MAPKBP1: variants seen among roughly 807,000 people sequenced by gnomAD.
The protein encoded by MAPKBP1 is mitogen-activated protein kinase binding protein 1.
A neutral mutation model predicts 170.5 loss-of-function variants in MAPKBP1; 71 were observed. The ratio of observed to expected loss-of-function variants is 0.42; its 90% confidence interval spans 0.34 to 0.51. The LOEUF is 0.51. Ranked by LOEUF, MAPKBP1 falls within the 20% of genes least tolerant of loss-of-function variation. MAPKBP1 has a pLI of 0.06. For missense variants in MAPKBP1, 1,598 were observed against 1,933.0 expected, an observed-to-expected ratio of 0.83 and a Z score of 3.25; for synonymous variants, 719 against 757.9, an observed-to-expected ratio of 0.95 and a Z score of 0.84.
chr15:41,823,177 T>C lies in MAPKBP1; in HGVS notation c.3553T>C (p.Ser1185Pro). The C allele has an allele frequency of 6.2e-7, 1 of 1,613,744 alleles. No homozygotes were observed. The highest frequency in any genetic ancestry group is 1.1e-5 in the South Asian group (1 of 91,086). ...PKRVATASPF[S>P]GLQKAQSVHS... ...GAGAGTGGCCACAGCCAGCCCCTTT[T>C]CTGGACTCCAGAAGGCCCAGTCTGT... Residue 1185 changes from serine (S) to proline (P), a missense_variant, in exon 28 of 31, where the codon TCT becomes CCT. By Grantham distance (74) the Ser-to-Pro change is moderately conservative. Coordinates refer to ENST00000457542, the MANE Select transcript of MAPKBP1 (RefSeq NM_014994.3).
At position 41,819,646 on chromosome 15, in the gene MAPKBP1, G is replaced by A. The variant is rs2064960740; in HGVS notation, c.2477G>A (p.Ser826Asn). The change falls in exon 22 of 31, where the codon AGT becomes AAT. Residue 826 changes from serine (S) to asparagine (N), a missense_variant. Around this residue, in one of 6 missense-constraint regions of MAPKBP1, gnomAD observed 942 missense variants for 953.2 expected, o/e 0.99. Transcript: ENST00000457542. ...CGAAGCCTGTCCCACTGGGAGATGA[G>A]TCGGGTGAGTCGCCATTGTTAAAAT... ...LPRSLSHWEM[S>N]RAQESVGFLD... 6.2e-7 allele frequency: 1 copy of A among 1,609,802 alleles called. No homozygotes were observed. The highest frequency in any genetic ancestry group is 1.7e-5 in the Admixed American group (1 of 59,924).
intron 3 of MAPKBP1, among the ~76,000 whole-genome samples, chr15:41,803,473 A>AGG (rs2064636893): frequency 6.8e-6 from 1 of 146,788 alleles, no homozygotes; most frequent in African/African-American, 2.5e-5. Flanking sequence ...TGGGAAGCCA[A>AGG]GGTGGGAGGA....
At position 41,827,702 on chromosome 15, in the gene MAPKBP1, T is replaced by C. The variant is rs1043627; in HGVS notation, c.*2266T>C. 115,877 of 155,232 alleles carry C rather than the reference T, an allele frequency of 0.75. 44,980 individuals carry two copies. Among genetic ancestry groups the C allele is most frequent in the Middle Eastern group, 0.88 (263 of 298 alleles). The allele number at this position is 155,232 out of a possible 1,614,324, so 9.6% of individuals were successfully genotyped here. A position where few individuals can be genotyped will look rare whatever the true frequency, so the allele number is the denominator to read the frequency against. ...GCCCCACTCCAGATTTGCCCCCGCC[T>C]TGTTTTGAAAGCCCCTTATTTATAA... On this transcript the variant is annotated 3_prime_UTR_variant, in exon 31 of 31. Coordinates refer to ENST00000457542, the MANE Select transcript of MAPKBP1 (RefSeq NM_014994.3).
rs142058349 is a variant in MAPKBP1, at chr15:41,821,686, C to T, written c.2821C>T (p.Pro941Ser). The change falls in exon 24 of 31, where the codon CCT (proline) becomes TCT (serine). Residue 941 changes from proline (P) to serine (S), a missense_variant. Coordinates refer to ENST00000457542, the MANE Select transcript of MAPKBP1 (RefSeq NM_014994.3). Reference protein sequence around the residue: ...EEGVFAQDLEPAPIEDGIVYP... With the variant: ...EEGVFAQDLESAPIEDGIVYP... ...AGGGGTCTTTGCCCAAGATCTGGAA[C>T]CTGCACCCATTGAAGATGGTATTGT... is the stretch of plus-strand genomic sequence containing the variant. 1.4e-5 allele frequency: 23 copies of T among 1,614,068 alleles called. No homozygotes were observed. In the African/African-American group the frequency reaches 2.7e-4, roughly 19 times the overall value.
chr15:41,820,488 A>G (rs1182507763), intron 22 of MAPKBP1, among the ~76,000 whole-genome samples: 1 of 151,556 alleles, frequency 6.6e-6, no homozygotes, highest in African/African-American at 2.4e-5. Flanking sequence ...ACTTTTAGAG[A>G]CCCCCAGCTC....
chr15:41,818,416 C>A lies in MAPKBP1; in HGVS notation c.2093-103C>A. 1 of 1,406,452 alleles carries A rather than the reference C, an allele frequency of 7.1e-7. No individual in the cohort carries two copies. Among genetic ancestry groups the A allele is most frequent in the Non-Finnish European group, 1.0e-6 (1 of 1,001,870 alleles). 87.1% of individuals were successfully genotyped at this position (1,406,452 alleles called of 1,614,324 possible). A position where few individuals can be genotyped will look rare whatever the true frequency, so the allele number is the denominator to read the frequency against. On this transcript the variant is annotated intron_variant, in intron 18 of 30. Transcript: ENST00000457542. The surrounding 1 kb of genome is among the most constrained non-coding windows in gnomAD (Gnocchi z 5.2). ...AGTTTCTTGGGACCCGCAGAGCTACCTATCCCTACCCTGCAGCCAACCCCC... is the reference window on the plus strand; with the variant it reads ...AGTTTCTTGGGACCCGCAGAGCTACATATCCCTACCCTGCAGCCAACCCCC...
chr15:41,810,777 T>C, intron 3 of MAPKBP1, 106 bp from the exon 4 acceptor site: 2 of 826,024 alleles, frequency 2.4e-6, no homozygotes, highest in Non-Finnish European at 4.0e-6. Flanking sequence ...CTGAGCTCTT[T>C]CTACCCAGCT....
chr15:41,819,010 G>A, intron 20 of MAPKBP1, 53 bp downstream of exon 20: 5 of 1,602,884 alleles, frequency 3.1e-6, no homozygotes, highest in Non-Finnish European at 4.3e-6. Flanking sequence ...GGCTTGCTGG[G>A]ACCTCACTGC....
At chr15:41,792,732 AAGGTTTGGAGCTGAAGTTCCTGTC>A (rs2064415754) in intron 2 of MAPKBP1, among the ~76,000 whole-genome samples, 1 of 152,160 alleles carries the variant, frequency 6.6e-6, no homozygotes, top group African/African-American at 2.4e-5. Context: ...TTGGGCCTTG[AAGGTTTGGAGCTGAAGTTCCTGTC>A]AGAACTTTGG....
chr15:41,775,677 T>G (rs983394243), intron 2 of MAPKBP1, among the ~76,000 whole-genome samples: 1 of 152,202 alleles, frequency 6.6e-6, no homozygotes, highest in Non-Finnish European at 1.5e-5. Flanking sequence ...CCAGTTGATA[T>G]GCTATGACTC....
chr15:41,782,952 G>C (rs545129934), intron 2 of MAPKBP1, among the ~76,000 whole-genome samples: 3 of 152,308 alleles, frequency 2.0e-5, no homozygotes, highest in East Asian at 3.9e-4. Flanking sequence ...TCCAGCTCCA[G>C]ATTTCCTGAA....
intron 2 of MAPKBP1, among the ~76,000 whole-genome samples, chr15:41,793,195 G>A (rs544891479): frequency 2.0e-5 from 3 of 152,132 alleles, no homozygotes; most frequent in Non-Finnish European, 2.9e-5. Context: ...TAATAAGAAC[G>A]CTAATATGTG....
Position 41,818,320 on chromosome 15 carries a change from A to C in MAPKBP1, c.2092+15A>C. On this transcript the variant is annotated intron_variant, in intron 18 of 30. Transcript: ENST00000457542. The surrounding 1 kb of genome is among the most constrained non-coding windows in gnomAD (Gnocchi z 5.2). ...TGGCCACTCAGGTGAGTGTAGCCTG[A>C]ATCCCCGAGTAGAAGCTGATACCTG... 6.2e-7 allele frequency: 1 copy of C among 1,600,306 alleles called. No individual in the cohort carries two copies. Among genetic ancestry groups the C allele is most frequent in the Non-Finnish European group, 8.6e-7 (1 of 1,167,524 alleles).
intron 3 of MAPKBP1, among the ~76,000 whole-genome samples, chr15:41,810,255 C>T (rs1015600149): frequency 2.0e-5 from 3 of 152,124 alleles, no homozygotes; most frequent in African/African-American, 7.2e-5. Context: ...ACAAGGGCTG[C>T]GGGATGGCCT....
At chr15:41,813,547 GC>G in intron 8 of MAPKBP1, 73 bp from the exon 9 acceptor site, 1 of 1,566,168 alleles carries the variant, frequency 6.4e-7, no homozygotes, top group South Asian at 1.1e-5. Flanking sequence ...TTGGCAGGTG[GC>G]TGTTGATGGG....
chr15:41,821,873 C>A, intron 24 of MAPKBP1, 92 bp from the exon 25 acceptor site: 1 of 1,567,714 alleles, frequency 6.4e-7, no homozygotes, highest in Non-Finnish European at 8.7e-7. Flanking sequence ...ACCACTGCCT[C>A]ATCCCTCACC....
At chr15:41,806,057 T>C (rs2064685295) in intron 3 of MAPKBP1, among the ~76,000 whole-genome samples, 1 of 152,168 alleles carries the variant, frequency 6.6e-6, no homozygotes, top group Non-Finnish European at 1.5e-5. Context: ...TGAAGACATA[T>C]TCACTTGTTT....
chr15:41,817,367 C>A lies in MAPKBP1; in HGVS notation c.1712-21C>A, dbSNP rs371055746. 1 of 1,613,394 alleles carries A rather than the reference C, an allele frequency of 6.2e-7. No individual in the cohort carries two copies. Among genetic ancestry groups the A allele is most frequent in the Non-Finnish European group, 8.5e-7 (1 of 1,179,474 alleles). ...CATGTGGTGAGAACAGTGGGAACAG[C>A]TGGGCTTCCCTCCTTCATAGCCAGT... On this transcript the variant is annotated intron_variant, in intron 14 of 30. Transcript: ENST00000457542. The surrounding 1 kb of genome is among the most constrained non-coding windows in gnomAD (Gnocchi z 4.2).
At chr15:41,813,173 T>G in intron 8 of MAPKBP1, 72 bp downstream of exon 8, 1 of 1,550,840 alleles carries the variant, frequency 6.4e-7, no homozygotes, top group Non-Finnish European at 8.7e-7. Context: ...GCCCAGGGCT[T>G]CAGACTAGGG....
Sources: gnomAD v4.1 joint callset for allele counts (sites outside exome capture counted in the v4.1 genomes callset) on GRCh38, gnomAD v4.1.1 for gene constraint, gnomAD v4.1.1 regional missense constraint, Gnocchi (gnomAD v3.1) non-coding constraint, MANE v1.5 for transcripts, NCBI Gene and HGNC (gene_info 2026-07-23, HGNC 2026-07-21) for gene names.